The following KMT2C variants were observed in gnomAD, a reference collection of about 807,000 sequenced individuals.
The protein encoded by KMT2C is lysine methyltransferase 2C.
In KMT2C, 88 loss-of-function variants were observed where a neutral mutation model predicts 507.9. The ratio of observed to expected loss-of-function variants is 0.17; its 90% CI spans 0.15 to 0.21. The LOEUF (loss-of-function observed/expected upper bound fraction) is 0.21, where lower values mean the gene tolerates loss of function less well. KMT2C is among the 10% of genes least tolerant of loss of function. The pLI is 1.00. For missense variants in KMT2C, 4,954 were observed against 5,957.8 expected (o/e 0.83, Z 5.55); for synonymous variants, 2,049 against 2,080.8 (o/e 0.98, Z 0.42).
chr7:152,198,968 T>C (rs1036679997), intron 27 of KMT2C, among the ~76,000 whole-genome samples: 11 of 152,174 alleles, frequency 7.2e-5, no homozygotes, highest in Non-Finnish European at 1.3e-4. Context: ...AAATCTATCT[T>C]AGATTTTTAG....
At chr7:152,336,491 C>T (rs2096937197) in intron 2 of KMT2C, among the ~76,000 whole-genome samples, 1 of 152,160 alleles carries the variant, frequency 6.6e-6, no homozygotes, top group Non-Finnish European at 1.5e-5. Flanking sequence ...GATGAAATGG[C>T]TACAAACCCA....
At chr7:152,352,729 T>C (rs973709157) in intron 2 of KMT2C, among the ~76,000 whole-genome samples, 1 of 152,174 alleles carries the variant, frequency 6.6e-6, no homozygotes, top group Non-Finnish European at 1.5e-5. Flanking sequence ...AATACTATTC[T>C]CCACTAAAAA....
intron 26 of KMT2C, among the ~76,000 whole-genome samples, chr7:152,202,533 CTT>C (rs1563374049): frequency 1.3e-5 from 2 of 152,168 alleles, no homozygotes; most frequent in African/African-American, 4.8e-5. Flanking sequence ...AAAGCTATAA[CTT>C]TGGCTGAAAA....
At chr7:152,381,387 T>C (rs1386290095) in intron 1 of KMT2C, among the ~76,000 whole-genome samples, 3 of 152,062 alleles carry the variant, frequency 2.0e-5, no homozygotes, top group Non-Finnish European at 4.4e-5. Context: ...TGTGCTACTA[T>C]ATCTAGCGGG....
chr7:152,255,984 C>T (rs1411756147), intron 9 of KMT2C, among the ~76,000 whole-genome samples: 2 of 152,182 alleles, frequency 1.3e-5, no homozygotes. Context: ...GCCTGGCCAA[C>T]ATGGCAAAAC....
intron 25 of KMT2C, 93 bp downstream of exon 25, chr7:152,205,013 T>C (rs2129137081): frequency 1.3e-6 from 1 of 745,142 alleles, no homozygotes; most frequent in South Asian, 2.0e-5. Flanking sequence ...TCTTATTGAC[T>C]GTAACATTAT....
At chr7:152,312,655 A>G (rs2129201093) in intron 4 of KMT2C, among the ~76,000 whole-genome samples, 1 of 152,344 alleles carries the variant, frequency 6.6e-6, no homozygotes, top group South Asian at 2.1e-4. Context: ...TATAGTCTAA[A>G]AAAAGAACAT....
Position 152,169,166 on chromosome 7 carries a change from CTTA to C in KMT2C, c.9517+17_9517+19del, listed in dbSNP as rs1225854806. On this transcript the variant is annotated intron_variant, in intron 41 of 58. Coordinates refer to ENST00000262189, the MANE Select transcript of KMT2C (RefSeq NM_170606.3). ...ACAAGCAATCCCCAGAAAACATTAA[CTTA>C]TTAGATTTATACTTACTGACAAAGC... 1 of 1,475,352 alleles carries C rather than the reference CTTA, an allele frequency of 6.8e-7. No individual in the cohort carries two copies. The highest frequency in any genetic ancestry group is 9.5e-7 in the Non-Finnish European group (1 of 1,053,746). 91.4% of individuals were successfully genotyped at this position (1,475,352 alleles called of 1,614,324 possible).
chr7:152,190,699 T>A (rs2093766099), intron 31 of KMT2C, among the ~76,000 whole-genome samples: 1 of 152,180 alleles, frequency 6.6e-6, no homozygotes, highest in Non-Finnish European at 1.5e-5. Flanking sequence ...AGTTACTCTA[T>A]CTCAATCTTG....
intron 23 of KMT2C, among the ~76,000 whole-genome samples, chr7:152,215,319 C>T (rs1318301137): frequency 6.6e-6 from 1 of 151,616 alleles, no homozygotes; most frequent in Non-Finnish European, 1.5e-5. Flanking sequence ...TGAGACCAAC[C>T]TGGCTAACAT....
At chr7:152,219,613 A>G (rs62481495) in intron 23 of KMT2C, among the ~76,000 whole-genome samples, 36,702 of 151,994 alleles carry the variant, frequency 0.24, 5,224 homozygotes, top group Middle Eastern at 0.35. Context: ...ATGAAATAAA[A>G]TATAATCAAA....
At chr7:152,351,729 T>C (rs1299697758) in intron 2 of KMT2C, among the ~76,000 whole-genome samples, 1 of 152,188 alleles carries the variant, frequency 6.6e-6, no homozygotes, top group African/African-American at 2.4e-5. Flanking sequence ...CTGTAATCTC[T>C]GAACATAAAT....
chr7:152,269,944 T>TC (rs1190663283), intron 7 of KMT2C, among the ~76,000 whole-genome samples: 1 of 152,150 alleles, frequency 6.6e-6, no homozygotes, highest in Non-Finnish European at 1.5e-5. Flanking sequence ...TTATCACAGA[T>TC]CCTTAAACCT....
chr7:152,259,446 G>GCGCACACACACACA (rs1188729137), intron 9 of KMT2C, among the ~76,000 whole-genome samples: 10 of 134,786 alleles, frequency 7.4e-5, no homozygotes, highest in African/African-American at 2.5e-4. Context: ...ACACACACGC[G>GCGCACACACACACA]CACACACACA....
At chr7:152,226,965 C>G (rs1208519203) in intron 18 of KMT2C, among the ~76,000 whole-genome samples, 1 of 152,168 alleles carries the variant, frequency 6.6e-6, no homozygotes, top group African/African-American at 2.4e-5. Context: ...TGTTCAGTGG[C>G]AGAATTTTAA....
At chr7:152,356,746 G>A (rs937311419) in intron 2 of KMT2C, among the ~76,000 whole-genome samples, 2 of 150,182 alleles carry the variant, frequency 1.3e-5, no homozygotes, top group Non-Finnish European at 3.0e-5. Flanking sequence ...AAAAATTAGC[G>A]AGGCGTGGTG....
chr7:152,349,445 GAAAGA>G (rs546719322), intron 2 of KMT2C, among the ~76,000 whole-genome samples: 3 of 151,540 alleles, frequency 2.0e-5, no homozygotes, highest in Admixed American at 6.6e-5. Flanking sequence ...ACTCCATAAA[GAAAGA>G]AAAGAAAAGA....
intron 56 of KMT2C, 35 bp downstream of exon 56, chr7:152,139,640 T>C: frequency 7.4e-7 from 1 of 1,346,866 alleles, no homozygotes; most frequent in Non-Finnish European, 1.1e-6. Flanking sequence ...AGGATGATGG[T>C]GCTGTGTATA....
intron 27 of KMT2C, among the ~76,000 whole-genome samples, chr7:152,198,440 A>G (rs1395005962): frequency 6.6e-6 from 1 of 152,256 alleles, no homozygotes; most frequent in Admixed American, 6.5e-5. Context: ...AGTTTATAAA[A>G]TTAACTGAGT....
Sources: gnomAD v4.1 joint callset for allele counts (sites outside exome capture counted in the v4.1 genomes callset) on GRCh38, gnomAD v4.1.1 for gene constraint, MANE v1.5 for transcripts, NCBI Gene and HGNC (gene_info 2026-07-23, HGNC 2026-07-21) for gene names.